Variants in PTPRT observed in about 807,000 individuals in gnomAD.
PTPRT encodes receptor-type tyrosine-protein phosphatase T.
A neutral mutation model predicts 176.8 loss-of-function variants in PTPRT; 56 were observed. The observed-to-expected ratio is 0.32, with a 90% CI of 0.26 to 0.40. The LOEUF (loss-of-function observed/expected upper bound fraction) is 0.40. Among genes scored for constraint, PTPRT ranks in the 10% least tolerant of loss-of-function variants. The pLI, the probability that PTPRT is intolerant of heterozygous loss-of-function variation, is 1.00. For synonymous variants in PTPRT, 783 were observed against 739.0 expected, an observed-to-expected ratio of 1.06 and a Z score of -0.96; for missense variants, 1,540 against 1,908.2, an observed-to-expected ratio of 0.81 and a Z score of 3.60.
At chr20:42,938,383 T>C (rs1411855557) in intron 1 of PTPRT, among the ~76,000 whole-genome samples, 1 of 152,210 alleles carries the variant, frequency 6.6e-6, no homozygotes, top group Admixed American at 6.5e-5. Flanking sequence ...CAGCCTAGCA[T>C]AGCTAGGGTC....
intron 11 of PTPRT, among the ~76,000 whole-genome samples, chr20:42,317,679 C>T (rs1032181622): frequency 2.6e-5 from 4 of 152,106 alleles, no homozygotes; most frequent in Non-Finnish European, 4.4e-5. Flanking sequence ...AGACACAGGA[C>T]TATTTCATTA....
chr20:42,053,151 T>C, the PTPRT span, among the ~76,000 whole-genome samples: 1 of 152,226 alleles, frequency 6.6e-6, no homozygotes, highest in Non-Finnish European at 1.5e-5. Flanking sequence ...TTATATTGGC[T>C]GTAATTGTTT....
At chr20:42,281,737 T>C (rs1056887936) in intron 13 of PTPRT, among the ~76,000 whole-genome samples, 1 of 152,184 alleles carries the variant, frequency 6.6e-6, no homozygotes, top group African/African-American at 2.4e-5. Context: ...CAGAGTAGAA[T>C]TGCCCAGTTC....
At chr20:42,863,351 C>A (rs1322354999) in intron 2 of PTPRT, among the ~76,000 whole-genome samples, 1 of 152,204 alleles carries the variant, frequency 6.6e-6, no homozygotes, top group Non-Finnish European at 1.5e-5. Context: ...AGCAGAGAAT[C>A]AGGACAGGAG....
intron 7 of PTPRT, among the ~76,000 whole-genome samples, chr20:42,544,484 T>A (rs1346850781): frequency 1.3e-5 from 2 of 152,208 alleles, no homozygotes; most frequent in African/African-American, 4.8e-5. Context: ...CTGCGGCTGG[T>A]TTGATCTTCT....
intron 16 of PTPRT, among the ~76,000 whole-genome samples, chr20:42,197,577 G>T (rs920594062): frequency 1.3e-5 from 2 of 151,852 alleles, no homozygotes; most frequent in Non-Finnish European, 2.9e-5. Context: ...ACTATGAACT[G>T]GTATATTAGA....
chr20:42,725,009 T>TTGTG (rs147376328), intron 6 of PTPRT, among the ~76,000 whole-genome samples: 1,675 of 134,018 alleles, frequency 0.012, 29 homozygotes, highest in African/African-American at 0.037. Flanking sequence ...TGGACATCTT[T>TTGTG]TGTGTGTGTG....
chr20:42,719,313 G>A (rs1196778159), intron 6 of PTPRT, among the ~76,000 whole-genome samples: 5 of 152,180 alleles, frequency 3.3e-5, no homozygotes, highest in African/African-American at 9.7e-5. Context: ...GGGTATGGTA[G>A]CCAGCACTCT....
chr20:42,701,104 T>C (rs1400637371), intron 6 of PTPRT, among the ~76,000 whole-genome samples: 1 of 152,182 alleles, frequency 6.6e-6, no homozygotes, highest in Non-Finnish European at 1.5e-5. Flanking sequence ...TTTAGTCGAA[T>C]GAATCTTTCG....
chr20:42,550,207 G>A (rs574116652), intron 7 of PTPRT, among the ~76,000 whole-genome samples: 5 of 152,210 alleles, frequency 3.3e-5, no homozygotes, highest in East Asian at 1.9e-4. Context: ...ATAGGGGTAC[G>A]TATGTGACTT....
At chr20:42,891,040 C>A (rs1243599680) in intron 1 of PTPRT, among the ~76,000 whole-genome samples, 1 of 152,188 alleles carries the variant, frequency 6.6e-6, no homozygotes, top group African/African-American at 2.4e-5. Flanking sequence ...GCCTCCCCAG[C>A]CACATGGAAC....
At chr20:42,476,408 A>G (rs1344612255) in intron 7 of PTPRT, among the ~76,000 whole-genome samples, 1 of 152,210 alleles carries the variant, frequency 6.6e-6, no homozygotes, top group Non-Finnish European at 1.5e-5. Flanking sequence ...CCCTCAAAAT[A>G]CAACAAAGAC....
At chr20:42,561,293 C>T (rs1181229801) in intron 7 of PTPRT, among the ~76,000 whole-genome samples, 1 of 152,214 alleles carries the variant, frequency 6.6e-6, no homozygotes, top group African/African-American at 2.4e-5. Context: ...TGCCCATTTT[C>T]CTAAGTCCCT....
At chr20:42,200,472 C>A (rs1399677971) in intron 15 of PTPRT, among the ~76,000 whole-genome samples, 1 of 152,186 alleles carries the variant, frequency 6.6e-6, no homozygotes, top group Non-Finnish European at 1.5e-5. Flanking sequence ...GGAATTCCCT[C>A]CCCAACAGCC....
chr20:42,872,142 A>G (rs567168891), intron 2 of PTPRT, among the ~76,000 whole-genome samples: 1 of 152,384 alleles, frequency 6.6e-6, no homozygotes, highest in African/African-American at 2.4e-5. Context: ...AGATTTGAGG[A>G]AAGTTTTAAA....
At chr20:42,510,459 T>C (rs574990037) in intron 7 of PTPRT, among the ~76,000 whole-genome samples, 1 of 152,228 alleles carries the variant, frequency 6.6e-6, no homozygotes, top group Non-Finnish European at 1.5e-5. Context: ...GTGTGTGTTT[T>C]TTAAAAAAGG....
chr20:42,196,356 G>C (rs1385374023), intron 16 of PTPRT, among the ~76,000 whole-genome samples: 1 of 151,980 alleles, frequency 6.6e-6, no homozygotes, highest in East Asian at 1.9e-4. Flanking sequence ...ATTATTAATT[G>C]ACACTAATTA....
At chr20:42,271,250 C>A (rs1200734775) in intron 13 of PTPRT, among the ~76,000 whole-genome samples, 1 of 152,202 alleles carries the variant, frequency 6.6e-6, no homozygotes, top group African/African-American at 2.4e-5. Context: ...AACAGCCCCC[C>A]ACCTTCTTGT....
At chr20:43,013,332 C>G (rs1007251291) in intron 1 of PTPRT, among the ~76,000 whole-genome samples, 1 of 152,122 alleles carries the variant, frequency 6.6e-6, no homozygotes, top group Non-Finnish European at 1.5e-5. Context: ...AAAATGATTT[C>G]TGCTGCCATC....
Sources: allele counts gnomAD v4.1 joint callset (sites outside exome capture counted in the v4.1 genomes callset), GRCh38; gene constraint gnomAD v4.1.1; transcripts MANE v1.5; gene names NCBI Gene and HGNC (gene_info 2026-07-23, HGNC 2026-07-21).